Variants in TMOD1 observed in about 807,000 individuals in gnomAD.
TMOD1 encodes the protein tropomodulin 1, also known as tropomodulin-1.
In TMOD1, 17 loss-of-function variants were observed where a neutral mutation model predicts 40.6. The ratio of observed to expected loss-of-function variants is 0.42; its 90% CI spans 0.29 to 0.63. TMOD1 has a LOEUF of 0.63. TMOD1 is among the 20% of genes least tolerant of loss of function. The pLI, the probability that TMOD1 is intolerant of heterozygous loss-of-function variation, is 0.22. For synonymous variants in TMOD1, 181 were observed against 175.0 expected (o/e 1.03, Z -0.27); for missense variants, 391 against 447.6 (o/e 0.87, Z 1.14).
Position 97,568,926 on chromosome 9 carries a change from G to A in TMOD1, c.759G>A (p.Val253=). The part of the protein sequence containing the change: ...ALAEMLKENK[V]LKTLNVESNF... ...CTGAGATGCTCAAGGAGAACAAGGT[G>A]TTGAAGACACTGAATGTGGAATCCA... The change falls in exon 8 of 10, where the codon GTG becomes GTA. Residue 253 remains valine, a synonymous_variant. Coordinates refer to ENST00000259365, the MANE Select transcript of TMOD1 (RefSeq NM_003275.4). 2 of 1,614,204 alleles carry A rather than the reference G, an allele frequency of 1.2e-6. No homozygotes were observed. The highest frequency in any genetic ancestry group is 2.2e-5 in the South Asian group (2 of 91,084).
chr9:97,563,679 A>T (rs1830674639), intron 5 of TMOD1, among the ~76,000 whole-genome samples: 1 of 152,202 alleles, frequency 6.6e-6, no homozygotes, highest in African/African-American at 2.4e-5. Flanking sequence ...CCTCTGGAAG[A>T]TTGATGCATT....
At chr9:97,580,840 C>A (rs1474572843) in intron 8 of TMOD1, among the ~76,000 whole-genome samples, 2 of 152,044 alleles carry the variant, frequency 1.3e-5, no homozygotes, top group African/African-American at 4.8e-5. Flanking sequence ...CCCCAGGCAA[C>A]CACTAACCTG....
chr9:97,543,398 C>G (rs930089069), intron 2 of TMOD1, among the ~76,000 whole-genome samples: 1 of 152,234 alleles, frequency 6.6e-6, no homozygotes, highest in Non-Finnish European at 1.5e-5. Context: ...AACATATATT[C>G]TACCTGATTA....
chr9:97,565,863 A>C lies in TMOD1; in HGVS notation c.634A>C (p.Thr212Pro). 1 of 1,613,562 alleles carries C rather than the reference A, an allele frequency of 6.2e-7. No homozygotes were observed. The highest frequency in any genetic ancestry group is 8.5e-7 in the Non-Finnish European group (1 of 1,179,796). Reference protein sequence around the residue: ...LNNIRNIPIPTLKAYAEALKE... With the variant: ...LNNIRNIPIPPLKAYAEALKE... ...CTTTGTGCAGAATATCCCCATCCCC[A>C]CCCTCAAGGCATATGCAGAAGCCCT... The change falls in exon 7 of 10, where the codon ACC (threonine) becomes CCC (proline). Residue 212 changes from threonine (T) to proline (P), a missense_variant. Thr to Pro is a conservative substitution (Grantham distance 38). Coordinates refer to ENST00000259365, the MANE Select transcript of TMOD1 (RefSeq NM_003275.4).
intron 3 of TMOD1, among the ~76,000 whole-genome samples, chr9:97,548,430 G>T (rs1563987195): frequency 6.6e-6 from 1 of 152,132 alleles, no homozygotes; most frequent in Admixed American, 6.5e-5. Context: ...TGAAAGGATC[G>T]CGTGGTCAGA....
intron 1 of TMOD1, among the ~76,000 whole-genome samples, chr9:97,509,861 T>G (rs949866451): frequency 2.6e-5 from 4 of 152,220 alleles, no homozygotes; most frequent in Non-Finnish European, 5.9e-5. Context: ...TTTGCTTTTT[T>G]ATAATTATAA....
At chr9:97,525,472 T>C (rs1234121131) in intron 2 of TMOD1, among the ~76,000 whole-genome samples, 1 of 152,254 alleles carries the variant, frequency 6.6e-6, no homozygotes, top group Non-Finnish European at 1.5e-5. Flanking sequence ...TATTTATAAC[T>C]ACCCTGTTTC....
intron 8 of TMOD1, among the ~76,000 whole-genome samples, chr9:97,586,736 G>T (rs1825881811): frequency 6.6e-6 from 1 of 152,184 alleles, no homozygotes; most frequent in Non-Finnish European, 1.5e-5. Context: ...CGTCGGAAAA[G>T]CGCAGTATTC....
intron 2 of TMOD1, among the ~76,000 whole-genome samples, chr9:97,534,512 C>A (rs1253144386): frequency 6.6e-6 from 1 of 152,202 alleles, no homozygotes; most frequent in Non-Finnish European, 1.5e-5. Context: ...CCCCAAAACC[C>A]AATTGGGGAC....
At chr9:97,512,039 A>T (rs1829709693) in intron 1 of TMOD1, among the ~76,000 whole-genome samples, 1 of 152,160 alleles carries the variant, frequency 6.6e-6, no homozygotes, top group Non-Finnish European at 1.5e-5. Flanking sequence ...AGGTTTGGAG[A>T]GTGTGACCAT....
At chr9:97,568,830 A>C in intron 7 of TMOD1, 64 bp from the exon 8 acceptor site, 1 of 1,596,640 alleles carries the variant, frequency 6.3e-7, no homozygotes. Flanking sequence ...GGATCTACCC[A>C]GAGGGGCCTC....
chr9:97,538,969 C>T (rs13295143), intron 2 of TMOD1, among the ~76,000 whole-genome samples: 30,358 of 152,120 alleles, frequency 0.2, 3,473 homozygotes, highest in Middle Eastern at 0.28. Flanking sequence ...AGCACCACTG[C>T]ACTCCAGCCT....
At chr9:97,582,151 T>G (rs1259299916) in intron 8 of TMOD1, among the ~76,000 whole-genome samples, 2 of 152,022 alleles carry the variant, frequency 1.3e-5, no homozygotes, top group African/African-American at 4.8e-5. Context: ...TTTAAGTCTT[T>G]AATCCATCTT....
chr9:97,566,528 G>C (rs936192861), intron 7 of TMOD1, among the ~76,000 whole-genome samples: 3 of 152,034 alleles, frequency 2.0e-5, no homozygotes, highest in Non-Finnish European at 4.4e-5. Flanking sequence ...AAAATTACCT[G>C]GGCTTGGTGG....
chr9:97,530,810 A>C (rs1830086740), intron 2 of TMOD1, among the ~76,000 whole-genome samples: 2 of 74,870 alleles, frequency 2.7e-5, no homozygotes, highest in African/African-American at 5.9e-5. Flanking sequence ...TTTTTTTGAG[A>C]CAGTTTCACT....
rs1830093342 is a variant in TMOD1, at chr9:97,531,033, ACCC to A, written c.120+6726_120+6728del. Among the ~76,000 whole-genome samples the A allele has an allele frequency of 3.6e-4, 28 of 78,260 alleles. 2 individuals are homozygous for A. The highest frequency in any genetic ancestry group is 1.4e-3 in the African/African-American group (26 of 18,706). 51.3% of individuals were successfully genotyped at this position (78,260 alleles called of 152,430 possible). ...GAACTCCTGACCTTAGGTGATCCACACCCACCCCCCCCACCACCCCTTGGCCTC... is the reference window on the plus strand; with the variant it reads ...GAACTCCTGACCTTAGGTGATCCACAACCCCCCCCACCACCCCTTGGCCTC... On this transcript the variant is annotated intron_variant, in intron 2 of 9. Transcript: ENST00000259365.
intron 7 of TMOD1, among the ~76,000 whole-genome samples, chr9:97,566,227 G>A (rs994981947): frequency 8.5e-5 from 13 of 152,144 alleles, no homozygotes; most frequent in Non-Finnish European, 1.6e-4. Context: ...GTTCGGAGAG[G>A]TCAGGCAACT....
At chr9:97,558,940 A>G (rs1830572871) in intron 4 of TMOD1, among the ~76,000 whole-genome samples, 1 of 152,182 alleles carries the variant, frequency 6.6e-6, no homozygotes, top group African/African-American at 2.4e-5. Context: ...TCAGCCTGAA[A>G]TGCAGGTCTG....
chr9:97,566,687 T>A (rs1458098191), intron 7 of TMOD1, among the ~76,000 whole-genome samples: 2 of 151,888 alleles, frequency 1.3e-5, no homozygotes, highest in Non-Finnish European at 2.9e-5. Flanking sequence ...AATAAATAAA[T>A]AAATAAAAAT....
Sources: gnomAD v4.1 joint callset for allele counts (sites outside exome capture counted in the v4.1 genomes callset) on GRCh38, gnomAD v4.1.1 for gene constraint, MANE v1.5 for transcripts, NCBI Gene and HGNC (gene_info 2026-07-23, HGNC 2026-07-21) for gene names.